The following TMEM138 variants were observed in gnomAD, a reference collection of about 807,000 sequenced individuals.
The protein encoded by TMEM138 is transmembrane protein 138.
A neutral mutation model predicts 18.1 loss-of-function variants in TMEM138; 9 were observed. The ratio of observed to expected loss-of-function variants is 0.50; its 90% CI spans 0.30 to 0.87. The LOEUF (loss-of-function observed/expected upper bound fraction) is 0.87, where lower values mean the gene tolerates loss of function less well. Among genes scored for constraint, TMEM138 ranks in the 40% least tolerant of loss-of-function variants. TMEM138 has a pLI of 0.06. For synonymous variants in TMEM138, 79 were observed against 74.8 expected (o/e 1.06, Z -0.29); for missense variants, 189 against 190.6 (o/e 0.99, Z 0.05).
downstream of TMEM138, among the ~76,000 whole-genome samples, chr11:61,370,079 AAG>A (rs1858298090): frequency 1.3e-5 from 2 of 152,344 alleles, no homozygotes; most frequent in African/African-American, 4.8e-5. Flanking sequence ...ACACAAGTCA[AAG>A]AGAGAGTTCC....
chr11:61,368,811 C>G lies in TMEM138; in HGVS notation c.*102C>G. 1 of 852,276 alleles carries G rather than the reference C, an allele frequency of 1.2e-6. No homozygotes were observed. Among genetic ancestry groups the G allele is most frequent in the Non-Finnish European group, 1.9e-6 (1 of 515,624 alleles). The allele number at this position is 852,276 out of a possible 1,614,324, so 52.8% of individuals were successfully genotyped here. A position where few individuals can be genotyped will look rare whatever the true frequency, so the allele number is the denominator to read the frequency against. ...ATGCATGGGCAAACAGCTGGACTTT[C>G]CAAGGAAGGTTCAGACTAGCTGTGT... On this transcript the variant is annotated 3_prime_UTR_variant, in exon 5 of 5. Coordinates refer to ENST00000278826, the MANE Select transcript of TMEM138 (RefSeq NM_016464.5).
chr11:61,366,377 C>A, intron 3 of TMEM138, 161 bp downstream of exon 3: 1 of 782,094 alleles, frequency 1.3e-6, no homozygotes, highest in Non-Finnish European at 1.9e-6. Flanking sequence ...TCCCAAAGTG[C>A]TGGAATTACA....
downstream of TMEM138, among the ~76,000 whole-genome samples, chr11:61,371,040 TTTTA>T (rs1261729271): frequency 6.6e-6 from 1 of 152,086 alleles, no homozygotes; most frequent in African/African-American, 2.4e-5. Flanking sequence ...AATGAATTTA[TTTTA>T]TTTTATTTTG....
chr11:61,369,092 G>A lies in TMEM138; in HGVS notation c.*383G>A, dbSNP rs367868131. On this transcript the variant is annotated 3_prime_UTR_variant, in exon 5 of 5. Coordinates refer to ENST00000278826, the MANE Select transcript of TMEM138 (RefSeq NM_016464.5). ...GGATCTCCCAGTGACCAAAGGATGCGAAGAGTGATAGTTACGTGCTCCTGA... is the reference window on the plus strand; with the variant it reads ...GGATCTCCCAGTGACCAAAGGATGCAAAGAGTGATAGTTACGTGCTCCTGA... 5.5e-4 allele frequency: 115 copies of A among 208,966 alleles called. 1 individual carries two copies. The highest frequency in any genetic ancestry group is 2.2e-3 in the African/African-American group (98 of 44,004). 12.9% of individuals were successfully genotyped at this position (208,966 alleles called of 1,614,324 possible).
At chr11:61,364,613 G>C in intron 2 of TMEM138, 95 bp downstream of exon 2, 1 of 1,529,568 alleles carries the variant, frequency 6.5e-7, no homozygotes, top group Non-Finnish European at 8.9e-7. Flanking sequence ...AGTAGGCTGG[G>C]TACGGTGGCT....
Position 61,367,905 on chromosome 11 carries a change from A to G in TMEM138, c.301-18A>G, listed in dbSNP as rs760508736. ...TTCTTGTGGCCATTAACTTTTGTGT[A>G]TCTCACATCTCCTTCAGAACTTACG... On this transcript the variant is annotated intron_variant, in intron 3 of 4. Coordinates refer to ENST00000278826, the MANE Select transcript of TMEM138 (RefSeq NM_016464.5). 25 of 1,576,592 alleles carry G rather than the reference A, an allele frequency of 1.6e-5. No homozygotes were observed. Among genetic ancestry groups the G allele is most frequent in the African/African-American group, 2.7e-5 (2 of 74,108 alleles).
chr11:61,367,781 C>T lies in TMEM138; in HGVS notation c.301-142C>T, dbSNP rs1333422046. 7.5e-6 allele frequency: 5 copies of T among 664,088 alleles called. No homozygotes were observed. The Admixed American group carries it at 9.3e-5, about 12-fold the overall frequency. 41.1% of individuals were successfully genotyped at this position (664,088 alleles called of 1,614,324 possible). A position where few individuals can be genotyped will look rare whatever the true frequency, so the allele number is the denominator to read the frequency against. ...GAAAAATGGAGCTTTGAGGCTCCTT[C>T]GAGAAACGCTCCTTGGGGTTGTAGA... On this transcript the variant is annotated intron_variant, in intron 3 of 4. Coordinates refer to ENST00000278826, the MANE Select transcript of TMEM138 (RefSeq NM_016464.5).
At chr11:61,371,236 T>C (rs1224222263), downstream of TMEM138, among the ~76,000 whole-genome samples, 1 of 152,160 alleles carries the variant, frequency 6.6e-6, no homozygotes, top group Non-Finnish European at 1.5e-5. Flanking sequence ...GACTTCACCA[T>C]GTTGGCCAGG....
At chr11:61,376,706 A>G (rs985627120), downstream of TMEM138, among the ~76,000 whole-genome samples, 18 of 151,964 alleles carry the variant, frequency 1.2e-4, no homozygotes, top group Admixed American at 2.6e-4. Context: ...GCTTATAGCA[A>G]TTTTCCAGGA....
downstream of TMEM138, among the ~76,000 whole-genome samples, chr11:61,372,084 G>A (rs1054781932): frequency 4.0e-5 from 6 of 151,600 alleles, no homozygotes; most frequent in Non-Finnish European, 8.8e-5. Context: ...GCTGAGGCAG[G>A]AGAATTGCTT....
At chr11:61,371,962 G>A (rs923079080), downstream of TMEM138, among the ~76,000 whole-genome samples, 3 of 152,054 alleles carry the variant, frequency 2.0e-5, no homozygotes, top group Admixed American at 6.6e-5. Context: ...TGGATCACGA[G>A]GTCAAGAGTT....
Position 61,368,778 on chromosome 11 carries a change from T to C in TMEM138, c.*69T>C. ...CACATTTGCTGCTTTGCAGGGAGAG[T>C]TGGCCCTATGCATGGGCAAACAGCT... On this transcript the variant is annotated 3_prime_UTR_variant, in exon 5 of 5. Coordinates refer to ENST00000278826, the MANE Select transcript of TMEM138 (RefSeq NM_016464.5). The C allele has an allele frequency of 7.9e-7, 1 of 1,265,304 alleles. No individual in the cohort carries two copies. The highest frequency in any genetic ancestry group is 1.1e-6 in the Non-Finnish European group (1 of 872,212). 78.4% of individuals were successfully genotyped at this position (1,265,304 alleles called of 1,614,324 possible). A position where few individuals can be genotyped will look rare whatever the true frequency, so the allele number is the denominator to read the frequency against.
intron 2 of TMEM138, among the ~76,000 whole-genome samples, chr11:61,365,033 C>A (rs183373497): frequency 2.0e-5 from 3 of 151,416 alleles, no homozygotes; most frequent in African/African-American, 7.3e-5. Context: ...ACTAAAAATA[C>A]AAAAATTAGA....
chr11:61,362,402 C>G lies in TMEM138; in HGVS notation c.-158C>G, dbSNP rs1857947460. On this transcript the variant is annotated 5_prime_UTR_variant, in exon 1 of 5. Transcript: ENST00000278826. The stretch of plus-strand genomic sequence containing the variant: ...AGCCGGGACGATGTCCGCATGACAA[C>G]CGACGTTGGAGTTTGGAGGTGAGAG... 6.6e-6 allele frequency: 1 copy of G among 152,246 alleles called. No homozygotes were observed. The highest frequency in any genetic ancestry group is 2.4e-5 in the African/African-American group (1 of 41,468). 9.4% of individuals were successfully genotyped at this position (152,246 alleles called of 1,614,324 possible).
rs144803456 is a variant in TMEM138 at position 61,368,669 on chromosome 11, C to T, written c.449C>T (p.Ser150Phe). 1.5e-5 allele frequency: 24 copies of T among 1,614,044 alleles called. No homozygotes were observed. Among genetic ancestry groups the T allele is most frequent in the African/African-American group, 2.7e-5 (2 of 74,944 alleles). ...RLGDPHFYQD[S>F]LWLRKEFMQV... Reference sequence around the variant, plus strand: ...GGCGATCCTCACTTCTACCAGGACTCTTTGTGGCTGCGCAAGGAGTTCATG... The same window carrying T: ...GGCGATCCTCACTTCTACCAGGACTTTTTGTGGCTGCGCAAGGAGTTCATG... The change falls in exon 5 of 5, where the codon TCT becomes TTT. Residue 150 changes from serine (S) to phenylalanine (F), a missense_variant. Transcript: ENST00000278826.
downstream of TMEM138, among the ~76,000 whole-genome samples, chr11:61,369,712 A>G (rs1378640595): frequency 6.6e-6 from 1 of 151,344 alleles, no homozygotes; most frequent in Non-Finnish European, 1.5e-5. Flanking sequence ...GGCAGCTGCG[A>G]TGGCCTTGGG....
downstream of TMEM138, among the ~76,000 whole-genome samples, chr11:61,375,787 A>G (rs1858427410): frequency 6.6e-6 from 1 of 152,214 alleles, no homozygotes; most frequent in Admixed American, 6.5e-5. Context: ...TATGGAGCCA[A>G]TAAAAGCCCC....
At chr11:61,364,769 C>G (rs1026023157) in intron 2 of TMEM138, 2 of 339,918 alleles carry the variant, frequency 5.9e-6, no homozygotes, top group Non-Finnish European at 1.1e-5. Flanking sequence ...GTGCCACACA[C>G]CTGTAATCGC....
At chr11:61,373,335 G>A (rs565397748), downstream of TMEM138, among the ~76,000 whole-genome samples, 16 of 152,322 alleles carry the variant, frequency 1.1e-4, no homozygotes, top group African/African-American at 3.8e-4. Flanking sequence ...ACCAGCATAT[G>A]GGCCTCTGTG....
Sources: allele counts gnomAD v4.1 joint callset (sites outside exome capture counted in the v4.1 genomes callset), GRCh38; gene constraint gnomAD v4.1.1; transcripts MANE v1.5; gene names NCBI Gene and HGNC (gene_info 2026-07-23, HGNC 2026-07-21).